Variants in RBFOX1 observed in about 807,000 individuals in gnomAD.
RBFOX1 encodes the protein RNA binding fox-1 homolog 1.
In RBFOX1, 8 loss-of-function variants were observed where a neutral mutation model predicts 57.7. The observed-to-expected ratio is 0.14, with a 90% CI of 0.08 to 0.25. The LOEUF (loss-of-function observed/expected upper bound fraction) is 0.25, where lower values mean the gene tolerates loss of function less well. Among genes scored for constraint, RBFOX1 ranks in the 10% least tolerant of loss-of-function variants. RBFOX1 has a pLI of 1.00. For missense variants in RBFOX1, 611 were observed against 548.5 expected (o/e 1.11, Z -1.14); for synonymous variants, 326 against 222.4 (o/e 1.47, Z -4.15).
At chr16:6,251,440 A>C (rs1435652962) in intron 1 of RBFOX1, among the ~76,000 whole-genome samples, 8 of 152,144 alleles carry the variant, frequency 5.3e-5, no homozygotes, top group African/African-American at 1.9e-4. Context: ...TAAGGTCCTT[A>C]GGTCTCCAAA....
intron 5 of RBFOX1, among the ~76,000 whole-genome samples, chr16:7,572,237 A>G (rs1391702878): frequency 6.6e-6 from 1 of 152,226 alleles, no homozygotes; most frequent in Non-Finnish European, 1.5e-5. Flanking sequence ...ATTTCACTCT[A>G]AAGCATCCAG....
chr16:5,727,077 G>A (rs1476514231), intron 3 of RBFOX1, among the ~76,000 whole-genome samples: 1 of 152,042 alleles, frequency 6.6e-6, no homozygotes, highest in African/African-American at 2.4e-5. Flanking sequence ...TGGCCCACAT[G>A]GTAAAACCCT....
intron 4 of RBFOX1, among the ~76,000 whole-genome samples, chr16:7,263,511 C>G (rs1193091391): frequency 6.6e-6 from 1 of 152,096 alleles, no homozygotes; most frequent in East Asian, 1.9e-4. Flanking sequence ...AGAGTACCTA[C>G]AGTATTGTAG....
At chr16:6,407,164 T>C (rs1220784834) in intron 2 of RBFOX1, among the ~76,000 whole-genome samples, 2 of 152,186 alleles carry the variant, frequency 1.3e-5, no homozygotes, top group East Asian at 3.9e-4. Context: ...TATTTGTATC[T>C]GTATCTATCT....
rs758577916 is a variant in RBFOX1 at position 5,510,008 on chromosome 16, T to C, written c.258+42754T>C. Among the ~76,000 whole-genome samples the C allele has an allele frequency of 5.1e-4, 77 of 152,166 alleles. 1 individual carries two copies. Among genetic ancestry groups the C allele is most frequent in the Middle Eastern group, 3.2e-3 (1 of 316 alleles). The stretch of plus-strand genomic sequence containing the variant: ...GAGCCAGAGTGCCTGTGTGCAGAGC[T>C]CAGCCACGCCCTACCCCTGGGCGCG... On this transcript the variant is annotated intron_variant, in intron 2 of 2. Transcript: ENST00000585867.
intron 3 of RBFOX1, among the ~76,000 whole-genome samples, chr16:5,829,206 TGAG>T (rs1463900411): frequency 6.6e-6 from 1 of 152,096 alleles, no homozygotes; most frequent in Non-Finnish European, 1.5e-5. Context: ...TAAAGGGTGA[TGAG>T]GAGAGAAAGG....
intron 1 of RBFOX1, among the ~76,000 whole-genome samples, chr16:6,270,335 A>T (rs2075055006): frequency 6.6e-6 from 1 of 152,084 alleles, no homozygotes; most frequent in South Asian, 2.1e-4. Flanking sequence ...TTGACAAGAA[A>T]CTCCTTTCAA....
At chr16:7,008,518 T>C (rs1055881346) in intron 3 of RBFOX1, among the ~76,000 whole-genome samples, 1 of 151,982 alleles carries the variant, frequency 6.6e-6, no homozygotes. Context: ...CCAGCCTGGG[T>C]GACAGGGCAA....
chr16:7,690,354 G>A (rs11860144), intron 14 of RBFOX1, among the ~76,000 whole-genome samples: 119 of 152,198 alleles, frequency 7.8e-4, no homozygotes, highest in African/African-American at 2.7e-3. Context: ...GCTGAGGCCC[G>A]AGACCCAGTT....
intron 3 of RBFOX1, among the ~76,000 whole-genome samples, chr16:5,818,136 A>T (rs1367190545): frequency 2.6e-5 from 4 of 152,212 alleles, no homozygotes; most frequent in Non-Finnish European, 4.4e-5. Flanking sequence ...TCATTAGATC[A>T]TCACCATCCT....
chr16:6,523,809 G>A (rs2096541454), intron 2 of RBFOX1, among the ~76,000 whole-genome samples: 2 of 152,196 alleles, frequency 1.3e-5, no homozygotes, highest in South Asian at 4.2e-4. Context: ...ACATTTTGAA[G>A]GTACAGGTAA....
At chr16:6,107,657 A>T (rs1465438252) in intron 1 of RBFOX1, among the ~76,000 whole-genome samples, 1 of 141,404 alleles carries the variant, frequency 7.1e-6, no homozygotes, top group Non-Finnish European at 1.5e-5. Context: ...GGATGAAAGG[A>T]TGACTAGATG....
At chr16:6,254,032 C>G (rs1360598675) in intron 1 of RBFOX1, among the ~76,000 whole-genome samples, 2 of 152,260 alleles carry the variant, frequency 1.3e-5, no homozygotes, top group South Asian at 4.1e-4. Context: ...GACTTTAGCT[C>G]TCTCTGATAC....
chr16:6,326,684 A>G (rs1370155120), intron 2 of RBFOX1, among the ~76,000 whole-genome samples: 1 of 152,072 alleles, frequency 6.6e-6, no homozygotes, highest in African/African-American at 2.4e-5. Context: ...CTGCTAATGC[A>G]TTAATAACAG....
At chr16:6,247,660 G>A (rs1460326091) in intron 1 of RBFOX1, among the ~76,000 whole-genome samples, 1 of 152,140 alleles carries the variant, frequency 6.6e-6, no homozygotes, top group Non-Finnish European at 1.5e-5. Flanking sequence ...ACAAACACTA[G>A]AGCATAGAGA....
chr16:6,395,706 A>G (rs760749201), intron 2 of RBFOX1, among the ~76,000 whole-genome samples: 7 of 152,172 alleles, frequency 4.6e-5, no homozygotes, highest in Non-Finnish European at 7.3e-5. Flanking sequence ...ATATACTTAT[A>G]TATCAGATTT....
At chr16:6,555,078 T>C (rs1177156296) in intron 2 of RBFOX1, among the ~76,000 whole-genome samples, 5 of 152,168 alleles carry the variant, frequency 3.3e-5, no homozygotes, top group African/African-American at 1.2e-4. Flanking sequence ...TTCTTGCACA[T>C]GGAAACACAG....
chr16:6,182,336 T>G (rs2097069989), intron 1 of RBFOX1, among the ~76,000 whole-genome samples: 1 of 152,180 alleles, frequency 6.6e-6, no homozygotes, highest in Admixed American at 6.5e-5. Context: ...TGCTTCTTAA[T>G]TGACATAAAT....
intron 3 of RBFOX1, among the ~76,000 whole-genome samples, chr16:5,698,783 A>G (rs923200085): frequency 6.6e-6 from 1 of 152,214 alleles, no homozygotes; most frequent in Non-Finnish European, 1.5e-5. Context: ...GGAATGAGGT[A>G]CTGAAATAGG....
Sources: gnomAD v4.1 joint callset for allele counts (sites outside exome capture counted in the v4.1 genomes callset) on GRCh38, gnomAD v4.1.1 for gene constraint, MANE v1.5 for transcripts, NCBI Gene and HGNC (gene_info 2026-07-23, HGNC 2026-07-21) for gene names.